Variants in LIPI observed in about 807,000 individuals in gnomAD.
LIPI encodes lipase I, also known as lipase member I.
Under a neutral mutation model 50.6 loss-of-function variants are expected in LIPI, and 59 were observed. That is an observed-to-expected ratio of 1.16 (90% CI 0.94 to 1.45). LIPI has a LOEUF of 1.45. Among genes scored for constraint, LIPI ranks in the 40% most tolerant of loss-of-function variants. The pLI is 0.00. For synonymous variants in LIPI, 203 were observed against 178.2 expected, an observed-to-expected ratio of 1.14 and a Z score of -1.11; for missense variants, 586 against 536.3, an observed-to-expected ratio of 1.09 and a Z score of -0.92.
At chr21:14,134,294 G>A (rs2017410740) in intron 9 of LIPI, among the ~76,000 whole-genome samples, 1 of 152,012 alleles carries the variant, frequency 6.6e-6, no homozygotes, top group Admixed American at 6.6e-5. Flanking sequence ...AGAAATCATA[G>A]ATGACACAAA....
intron 8 of LIPI, among the ~76,000 whole-genome samples, chr21:14,146,508 C>T (rs2017909804): frequency 6.6e-6 from 1 of 152,044 alleles, no homozygotes; most frequent in Admixed American, 6.6e-5. Context: ...ACCTTCAAAC[C>T]CAGGGCACCA....
intron 7 of LIPI, among the ~76,000 whole-genome samples, chr21:14,155,359 G>A (rs2018237454): frequency 6.6e-6 from 1 of 151,912 alleles, no homozygotes; most frequent in South Asian, 2.1e-4. Flanking sequence ...AATAAAAGAT[G>A]TAATATTTCT....
intron 4 of LIPI, among the ~76,000 whole-genome samples, chr21:14,168,311 C>T (rs961837815): frequency 5.3e-5 from 8 of 152,170 alleles, no homozygotes; most frequent in Admixed American, 5.2e-4. Flanking sequence ...TCCAGGAGGA[C>T]TTCCCCAATC....
At position 14,189,261 on chromosome 21, in the gene LIPI, TA is replaced by T; in HGVS notation, c.204del (p.Asn69IlefsTer18). On this transcript the variant is annotated frameshift_variant, in exon 2 of 10. Coordinates refer to ENST00000681601, the MANE Select transcript of LIPI (RefSeq NM_001302998.2). LOFTEE classifies it high-confidence loss of function. ...ACTGTTTTCTTTTGTGTGTTGAAAT[TA>T]ACATTAAGTGAGTTATTTTGTTCAA... ...PLFEQNNSLN[V>X]NFNTQKKTVW... 3 of 1,614,046 alleles carry T rather than the reference TA, an allele frequency of 1.9e-6. No individual in the cohort carries two copies. The highest frequency in any genetic ancestry group is 1.7e-6 in the Non-Finnish European group (2 of 1,179,902).
At chr21:14,161,622 A>AATATATTATATATAATATATACATTATT (rs2018476239) in intron 7 of LIPI, among the ~76,000 whole-genome samples, 1 of 95,562 alleles carries the variant, frequency 1.0e-5, no homozygotes, top group African/African-American at 4.9e-5. Flanking sequence ...ATACATATAT[A>AATATATTATATATAATATATACATTATT]ATATATTAAT....
chr21:14,183,659 G>A (rs1347729512), intron 3 of LIPI, among the ~76,000 whole-genome samples: 2 of 152,012 alleles, frequency 1.3e-5, no homozygotes, highest in African/African-American at 4.8e-5. Context: ...TCAAAAAGTG[G>A]GTGAAGGATA....
At chr21:14,122,661 C>T (rs930093658) in intron 9 of LIPI, among the ~76,000 whole-genome samples, 1 of 152,120 alleles carries the variant, frequency 6.6e-6, no homozygotes, top group Non-Finnish European at 1.5e-5. Context: ...CAGCCAACAC[C>T]TATATACAGG....
At position 14,163,528 on chromosome 21, in the gene LIPI, G is replaced by A. The variant is rs1568860000; in HGVS notation, c.902-5C>T. 3 of 1,353,166 alleles carry A rather than the reference G, an allele frequency of 2.2e-6. No homozygotes were observed. Among genetic ancestry groups the A allele is most frequent in the South Asian group, 1.2e-5 (1 of 85,444 alleles). 83.8% of individuals were successfully genotyped at this position (1,353,166 alleles called of 1,614,324 possible). A position where few individuals can be genotyped will look rare whatever the true frequency, so the allele number is the denominator to read the frequency against. On this transcript the variant is annotated splice_polypyrimidine_tract_variant and splice_region_variant and intron_variant, in intron 6 of 9. Transcript: ENST00000681601. The stretch of plus-strand genomic sequence containing the variant: ...TAAATAGCTTGGCTTGATAACCTGA[G>A]ATTTGAGAAATAGAACATTAGAAAT...
At chr21:14,196,769 TGA>T (rs2019876557) in intron 1 of LIPI, among the ~76,000 whole-genome samples, 1 of 152,062 alleles carries the variant, frequency 6.6e-6, no homozygotes, top group African/African-American at 2.4e-5. Flanking sequence ...AAGGCTGCAG[TGA>T]GCCATGGTAG....
intron 1 of LIPI, among the ~76,000 whole-genome samples, chr21:14,191,165 T>C (rs984358649): frequency 1.3e-5 from 2 of 151,402 alleles, no homozygotes; most frequent in Non-Finnish European, 2.9e-5. Context: ...GATCACGAGG[T>C]CAGGAGATCG....
At chr21:14,122,427 T>A (rs1042415817) in intron 9 of LIPI, among the ~76,000 whole-genome samples, 15 of 152,178 alleles carry the variant, frequency 9.9e-5, no homozygotes, top group Non-Finnish European at 1.6e-4. Flanking sequence ...ACGTTGGAAC[T>A]GGGAAACTCA....
intron 7 of LIPI, among the ~76,000 whole-genome samples, chr21:14,156,823 G>A (rs866589507): frequency 6.6e-6 from 1 of 151,850 alleles, no homozygotes; most frequent in African/African-American, 2.4e-5. Flanking sequence ...TAAGGACACA[G>A]GAGGAAATAA....
intron 9 of LIPI, among the ~76,000 whole-genome samples, chr21:14,125,783 C>T (rs904662125): frequency 1.3e-5 from 2 of 152,236 alleles, no homozygotes; most frequent in African/African-American, 4.8e-5. Flanking sequence ...TGGTCTCCAT[C>T]TGACCTCGTG....
chr21:14,136,913 G>A (rs2017520206), intron 9 of LIPI, among the ~76,000 whole-genome samples: 1 of 152,128 alleles, frequency 6.6e-6, no homozygotes, highest in Admixed American at 6.6e-5. Context: ...TAAGGAAAGA[G>A]AACAAGAGTC....
intron 9 of LIPI, among the ~76,000 whole-genome samples, chr21:14,130,338 TAA>T (rs368503578): frequency 2.0e-5 from 3 of 152,106 alleles, no homozygotes; most frequent in African/African-American, 7.2e-5. Flanking sequence ...AGACTCTGTC[TAA>T]GAGAGAGAGA....
At chr21:14,152,510 A>T (rs1045109402) in intron 8 of LIPI, 63 bp downstream of exon 8, 1 of 781,698 alleles carries the variant, frequency 1.3e-6, no homozygotes, top group Non-Finnish European at 2.2e-6. Flanking sequence ...TATCTGTTGG[A>T]TGGGATACTG....
intron 1 of LIPI, among the ~76,000 whole-genome samples, chr21:14,200,397 T>A (rs553482492): frequency 6.6e-6 from 1 of 152,122 alleles, no homozygotes; most frequent in South Asian, 2.1e-4. Context: ...AAAGAAGAAC[T>A]TCAGCAAAGT....
At chr21:14,172,603 A>C (rs201835371) in intron 4 of LIPI, among the ~76,000 whole-genome samples, 4,876 of 152,054 alleles carry the variant, frequency 0.032, 184 homozygotes, top group East Asian at 0.22. Context: ...ATTCTCGGTA[A>C]ACTATCGCAA....
At chr21:14,167,581 C>G (rs933217488) in intron 4 of LIPI, among the ~76,000 whole-genome samples, 1 of 152,144 alleles carries the variant, frequency 6.6e-6, no homozygotes, top group African/African-American at 2.4e-5. Flanking sequence ...CTGCAGCCAC[C>G]ACGGCTGATA....
Sources: gnomAD v4.1 joint callset for allele counts (sites outside exome capture counted in the v4.1 genomes callset) on GRCh38, gnomAD v4.1.1 for gene constraint, MANE v1.5 for transcripts, NCBI Gene and HGNC (gene_info 2026-07-23, HGNC 2026-07-21) for gene names.